The following CCDC7 variants were observed in gnomAD, a reference collection of about 807,000 sequenced individuals.
The protein encoded by CCDC7 is coiled-coil domain containing 7.
In CCDC7, 183 loss-of-function variants were observed where a neutral mutation model predicts 196.9. That is an observed-to-expected ratio of 0.93 (90% CI 0.82 to 1.05). The LOEUF is 1.05. CCDC7 is among the 50% of genes least tolerant of loss of function. CCDC7 has a pLI of 0.00. For synonymous variants in CCDC7, 525 were observed against 484.6 expected (o/e 1.08, Z -1.10); for missense variants, 1,540 against 1,482.2 (o/e 1.04, Z -0.64).
At chr10:32,511,260 G>GTGGT in intron 9 of CCDC7, 1 of 625,902 alleles carries the variant, frequency 1.6e-6, no homozygotes, top group African/African-American at 2.4e-5. Flanking sequence ...TCTGTGGGGG[G>GTGGT]CGGGGGGGGC....
chr10:32,725,286 A>G (rs2082951551), intron 25 of CCDC7: 2 of 469,254 alleles, frequency 4.3e-6, no homozygotes, highest in Non-Finnish European at 8.8e-6. Context: ...AACTTTTACA[A>G]AATTGCTTAG....
intron 2 of CCDC7, among the ~76,000 whole-genome samples, chr10:32,455,351 G>A (rs1232403110): frequency 6.6e-6 from 1 of 151,770 alleles, no homozygotes; most frequent in East Asian, 1.9e-4. Flanking sequence ...GTCTCGCTGT[G>A]TCACCTAGGC....
intron 29 of CCDC7, among the ~76,000 whole-genome samples, chr10:32,794,658 G>C (rs575239544): frequency 6.6e-6 from 1 of 151,896 alleles, no homozygotes; most frequent in African/African-American, 2.4e-5. Flanking sequence ...GCTTTGATTT[G>C]TATCTCTCTA....
At chr10:32,459,340 G>A (rs919978621) in intron 3 of CCDC7, among the ~76,000 whole-genome samples, 30 of 151,532 alleles carry the variant, frequency 2.0e-4, no homozygotes, top group African/African-American at 6.8e-4. Flanking sequence ...GAGCTCAAAA[G>A]TGGGAACCTC....
chr10:32,738,280 C>G (rs1467482489), intron 28 of CCDC7, among the ~76,000 whole-genome samples: 2 of 151,998 alleles, frequency 1.3e-5, no homozygotes, highest in Non-Finnish European at 2.9e-5. Context: ...CACTATATCG[C>G]TTCATGGATA....
At chr10:32,676,728 T>C (rs2075045575) in intron 21 of CCDC7, among the ~76,000 whole-genome samples, 1 of 152,004 alleles carries the variant, frequency 6.6e-6, no homozygotes, top group African/African-American at 2.4e-5. Context: ...CAACAGGTGC[T>C]GGAGAGGATG....
chr10:32,619,271 G>A (rs1759662), intron 18 of CCDC7, among the ~76,000 whole-genome samples: 149,741 of 152,136 alleles, frequency 0.98, 73,731 homozygotes, highest in Middle Eastern at 1. Flanking sequence ...TTGTACATCT[G>A]TAAAACGAAA....
chr10:32,828,591 T>C (rs1425526225), intron 32 of CCDC7, among the ~76,000 whole-genome samples: 1 of 151,824 alleles, frequency 6.6e-6, no homozygotes, highest in Non-Finnish European at 1.5e-5. Flanking sequence ...AGTGGACTCA[T>C]GCTCTTGGAA....
At chr10:32,637,378 A>T (rs376559787) in intron 20 of CCDC7, among the ~76,000 whole-genome samples, 1 of 152,142 alleles carries the variant, frequency 6.6e-6, no homozygotes, top group African/African-American at 2.4e-5. Flanking sequence ...ATGTTTAAGT[A>T]TTTAATCCAT....
intron 21 of CCDC7, among the ~76,000 whole-genome samples, chr10:32,684,636 T>A (rs894659010): frequency 6.6e-6 from 1 of 152,202 alleles, no homozygotes; most frequent in Non-Finnish European, 1.5e-5. Context: ...AATTTGTAAG[T>A]TTACTTGCCA....
At position 32,743,702 on chromosome 10, in the gene CCDC7, C is replaced by T. The variant is rs762905505; in HGVS notation, c.2905+14245C>T. On this transcript the variant is annotated intron_variant, in intron 28 of 41. Coordinates refer to ENST00000639629, the Ensembl canonical transcript of CCDC7. Reference sequence around the variant, plus strand: ...GACACATGCACACGTATGTTTATTGCGGCACTATTCACAATAGCAAAGACT... The same window carrying T: ...GACACATGCACACGTATGTTTATTGTGGCACTATTCACAATAGCAAAGACT... Among the ~76,000 whole-genome samples the T allele has an allele frequency of 9.2e-5, 14 of 152,024 alleles. No homozygotes were observed. The East Asian group carries it at 1.7e-3, about 19-fold the overall frequency.
chr10:32,730,956 T>C (rs969467937), intron 28 of CCDC7, among the ~76,000 whole-genome samples: 9 of 152,136 alleles, frequency 5.9e-5, no homozygotes, highest in Non-Finnish European at 1.3e-4. Context: ...GTTACAGACA[T>C]CCACTGAACT....
intron 5 of CCDC7, among the ~76,000 whole-genome samples, chr10:32,463,494 A>G (rs2036162155): frequency 2.0e-5 from 3 of 152,200 alleles, no homozygotes. Context: ...CTTTTGATTC[A>G]GGCACTTTGC....
chr10:32,484,902 G>A (rs986300648), intron 8 of CCDC7, among the ~76,000 whole-genome samples: 2 of 152,218 alleles, frequency 1.3e-5, no homozygotes, highest in Non-Finnish European at 2.9e-5. Flanking sequence ...TGGTTTGCCA[G>A]TATTTTACTG....
chr10:32,744,149 G>A (rs12356516), intron 28 of CCDC7, among the ~76,000 whole-genome samples: 118 of 136,392 alleles, frequency 8.7e-4, no homozygotes, highest in Admixed American at 4.5e-3. Flanking sequence ...TAAAAAAAAA[G>A]AAAAAAAAAA....
intron 28 of CCDC7, among the ~76,000 whole-genome samples, chr10:32,772,844 G>A (rs77924652): frequency 0.028 from 4,306 of 152,232 alleles, 215 homozygotes; most frequent in African/African-American, 0.097. Flanking sequence ...GCAACCTTCC[G>A]ACCTCTCACA....
At chr10:32,869,570 C>T (rs1019646442) in intron 41 of CCDC7, among the ~76,000 whole-genome samples, 2 of 151,796 alleles carry the variant, frequency 1.3e-5, no homozygotes, top group African/African-American at 4.8e-5. Flanking sequence ...TTCGTTTAAT[C>T]GGATCCTATT....
At chr10:32,668,956 G>C (rs192406363) in intron 21 of CCDC7, among the ~76,000 whole-genome samples, 12 of 152,176 alleles carry the variant, frequency 7.9e-5, no homozygotes, top group African/African-American at 2.9e-4. Context: ...GTAAGAATAA[G>C]CATCCTTGTC....
At chr10:32,585,981 A>G (rs1403832914) in intron 18 of CCDC7, among the ~76,000 whole-genome samples, 1 of 152,092 alleles carries the variant, frequency 6.6e-6, no homozygotes, top group Non-Finnish European at 1.5e-5. Flanking sequence ...ACTAGTTTAC[A>G]CTCCCACCAA....
Sources: allele counts gnomAD v4.1 joint callset (sites outside exome capture counted in the v4.1 genomes callset), GRCh38; gene constraint gnomAD v4.1.1; transcripts MANE v1.5; gene names NCBI Gene and HGNC (gene_info 2026-07-23, HGNC 2026-07-21).